Variants in CFTR observed in about 807,000 individuals in gnomAD.
The protein encoded by CFTR is CF transmembrane conductance regulator, also known as cystic fibrosis transmembrane conductance regulator.
CFTR carries 181 observed loss-of-function variants against 171.6 expected under a neutral mutation model. The observed-to-expected ratio is 1.05, with a 90% CI of 0.93 to 1.19. The LOEUF (loss-of-function observed/expected upper bound fraction) is 1.19. Among genes scored for constraint, CFTR ranks in the 50% most tolerant of loss-of-function variants. The pLI is 0.00. For missense variants in CFTR, 1,968 were observed against 1,734.7 expected (o/e 1.13, Z -2.39); for synonymous variants, 583 against 608.0 (o/e 0.96, Z 0.60).
At chr7:117,484,945 C>A (rs1041210257) in intron 1 of CFTR, among the ~76,000 whole-genome samples, 1 of 152,050 alleles carries the variant, frequency 6.6e-6, no homozygotes, top group Non-Finnish European at 1.5e-5. Context: ...TTCTTAGCTA[C>A]TTCATCAATA....
chr7:117,493,515 A>C (rs1798193473), intron 1 of CFTR, among the ~76,000 whole-genome samples: 1 of 151,890 alleles, frequency 6.6e-6, no homozygotes. Context: ...GGAATGCGGG[A>C]TTGTTAATCT....
At position 117,629,869 on chromosome 7, in the gene CFTR, A is replaced by G. The variant is rs368254258; in HGVS notation, c.3717+2099A>G. 4.6e-5 allele frequency among the ~76,000 whole-genome samples: 7 copies of G among 152,354 alleles called. No homozygotes were observed. In the East Asian group the frequency reaches 9.6e-4, roughly 21 times the overall value. On this transcript the variant is annotated intron_variant, in intron 22 of 26. Transcript: ENST00000003084. ...ATTTGCTATTACATTTGATCTTATT[A>G]TAACTCTAAAGGCAGAAATGATTGC...
intron 21 of CFTR, among the ~76,000 whole-genome samples, chr7:117,622,268 G>A (rs898078771): frequency 1.3e-5 from 2 of 152,132 alleles, no homozygotes; most frequent in African/African-American, 4.8e-5. Flanking sequence ...ATAGACCAGA[G>A]TTTCAAGAAC....
chr7:117,528,500 C>A (rs1798799586), intron 3 of CFTR, among the ~76,000 whole-genome samples: 2 of 110,940 alleles, frequency 1.8e-5, no homozygotes, highest in Non-Finnish European at 3.7e-5. Flanking sequence ...GCAACAAAAG[C>A]CAAAATTGAC....
At chr7:117,548,215 T>C (rs1356123567) in intron 9 of CFTR, among the ~76,000 whole-genome samples, 1 of 152,124 alleles carries the variant, frequency 6.6e-6, no homozygotes, top group Non-Finnish European at 1.5e-5. Context: ...GTGACTTTAG[T>C]CATTTAACTG....
At chr7:117,536,731 A>C (rs926848897) in intron 7 of CFTR, 58 bp downstream of exon 7, 11 of 1,432,294 alleles carry the variant, frequency 7.7e-6, no homozygotes, top group Middle Eastern at 2.2e-4. Flanking sequence ...TTTTTTAAAA[A>C]TATGTTTATC....
At chr7:117,610,694 C>A in intron 19 of CFTR, 25 bp downstream of exon 19, 2 of 1,611,722 alleles carry the variant, frequency 1.2e-6, no homozygotes, top group East Asian at 2.2e-5. Flanking sequence ...GTGCGATACT[C>A]ATCTTGTAAA....
intron 22 of CFTR, among the ~76,000 whole-genome samples, chr7:117,641,823 G>A (rs1013215990): frequency 5.3e-5 from 8 of 151,978 alleles, no homozygotes; most frequent in South Asian, 2.1e-4. Context: ...TTCCCTTCTC[G>A]CCAATCCAGG....
In CFTR at chr7:117,631,289, A is replaced by G. The variant is rs571386619; in HGVS notation, c.3717+3519A>G. On this transcript the variant is annotated intron_variant, in intron 22 of 26. Transcript: ENST00000003084. ...AAGAGCTACAGGAGCATCTTTTGTT[A>G]TATGTTTCCCCCCCTAGTTCCTGAA... Among the ~76,000 whole-genome samples, 17 of 152,236 alleles carry G rather than the reference A, an allele frequency of 1.1e-4. No homozygotes were observed. The South Asian group carries it at 3.5e-3, about 32-fold the overall frequency.
At chr7:117,618,956 AG>A (rs1792533339) in intron 21 of CFTR, among the ~76,000 whole-genome samples, 1 of 152,196 alleles carries the variant, frequency 6.6e-6, no homozygotes, top group Non-Finnish European at 1.5e-5. Context: ...AATGTTTTAA[AG>A]ATTGTTTATT....
intron 23 of CFTR, among the ~76,000 whole-genome samples, chr7:117,652,307 A>G (rs1240341341): frequency 1.3e-5 from 2 of 152,178 alleles, no homozygotes; most frequent in African/African-American, 4.8e-5. Flanking sequence ...GTCTGATCAG[A>G]TAAGTAGAGT....
intron 3 of CFTR, among the ~76,000 whole-genome samples, chr7:117,520,042 G>C (rs1798661994): frequency 6.6e-6 from 1 of 151,984 alleles, no homozygotes; most frequent in Non-Finnish European, 1.5e-5. Flanking sequence ...AAAATGCCAA[G>C]TGAAAAAGAG....
chr7:117,591,072 T>G, intron 13 of CFTR, among the ~76,000 whole-genome samples: 1 of 152,132 alleles, frequency 6.6e-6, no homozygotes, highest in Non-Finnish European at 1.5e-5. Context: ...ACAGTTATTA[T>G]ACTCTTCTAA....
At chr7:117,637,683 C>G (rs970121293) in intron 22 of CFTR, among the ~76,000 whole-genome samples, 1 of 152,054 alleles carries the variant, frequency 6.6e-6, no homozygotes, top group African/African-American at 2.4e-5. Context: ...TCGAGACCAG[C>G]CTGGCCAACA....
At chr7:117,482,604 A>T (rs1411678295) in intron 1 of CFTR, among the ~76,000 whole-genome samples, 4 of 152,192 alleles carry the variant, frequency 2.6e-5, no homozygotes, top group Admixed American at 2.6e-4. Context: ...TGAAATAGGA[A>T]GCTATTTTTA....
Position 117,665,308 on chromosome 7 carries a change from A to T in CFTR, c.4137-151A>T, listed in dbSNP as rs927574302. ...AGTCTACCCCATGGTTGAAAAGCTG[A>T]TTGTGGCTAACGCTATATCAACATT... On this transcript the variant is annotated intron_variant, in intron 25 of 26. Transcript: ENST00000003084. The T allele has an allele frequency of 8.2e-6, 5 of 612,248 alleles. No individual in the cohort carries two copies. The East Asian group carries it at 1.4e-4, about 17-fold the overall frequency. The allele number at this position is 612,248 out of a possible 1,614,324, so 37.9% of individuals were successfully genotyped here.
intron 23 of CFTR, 35 bp from the exon 24 acceptor site, chr7:117,652,807 T>C (rs1166930940): frequency 9.8e-7 from 1 of 1,018,932 alleles, no homozygotes; most frequent in Admixed American, 1.8e-5. Context: ...ATTTAAGTTA[T>C]TCATACTTTC....
intron 15 of CFTR, 67 bp downstream of exon 15, chr7:117,595,125 A>G: frequency 3.0e-6 from 4 of 1,316,682 alleles, no homozygotes; most frequent in Non-Finnish European, 4.3e-6. Flanking sequence ...GGGGATGTAT[A>G]CATATATATG....
At chr7:117,645,060 G>GT (rs1471653895) in intron 23 of CFTR, among the ~76,000 whole-genome samples, 1 of 152,162 alleles carries the variant, frequency 6.6e-6, no homozygotes, top group Non-Finnish European at 1.5e-5. Flanking sequence ...CTTGCAACGA[G>GT]TCTTTATGAT....
Sources: gnomAD v4.1 joint callset for allele counts (sites outside exome capture counted in the v4.1 genomes callset) on GRCh38, gnomAD v4.1.1 for gene constraint, MANE v1.5 for transcripts, NCBI Gene and HGNC (gene_info 2026-07-23, HGNC 2026-07-21) for gene names.